MAGI3: variants seen among roughly 807,000 people sequenced by gnomAD.
MAGI3 encodes membrane associated guanylate kinase, WW and PDZ domain containing 3.
A neutral mutation model predicts 121.8 loss-of-function variants in MAGI3; 43 were observed. That is an observed-to-expected ratio of 0.35 (90% CI 0.28 to 0.46). The LOEUF is 0.46. MAGI3 is among the 20% of genes least tolerant of loss of function. The probability of loss-of-function intolerance (pLI) is 1.00; values close to 1 mark genes in which losing one functional copy is unlikely to be tolerated. For missense variants in MAGI3, 1,547 were observed against 1,797.3 expected (o/e 0.86, Z 2.52); for synonymous variants, 553 against 639.3 (o/e 0.86, Z 2.04).
In MAGI3 at chr1:113,671,772, CAAAG is replaced by C. The variant is rs1647565450; in HGVS notation, c.2855_2858del (p.Gln952ProfsTer24). The stretch of plus-strand genomic sequence containing the variant: ...ACCATCAGGAACAAACTCAGCCAGG[CAAAG>C]CCCAGCCCTGCAGCACAGGCCCATG... On this transcript the variant is annotated frameshift_variant, in exon 17 of 21. Transcript: ENST00000307546. LOFTEE classifies it high-confidence loss of function. 6.2e-7 allele frequency: 1 copy of C among 1,614,118 alleles called. No individual in the cohort carries two copies. Among genetic ancestry groups the C allele is most frequent in the Non-Finnish European group, 8.5e-7 (1 of 1,180,050 alleles).
chr1:113,410,317 A>T (rs1213576837), intron 1 of MAGI3, among the ~76,000 whole-genome samples: 2 of 152,092 alleles, frequency 1.3e-5, no homozygotes, highest in Non-Finnish European at 2.9e-5. Flanking sequence ...CCTAAATTTG[A>T]ATCCTAGGTC....
At chr1:113,571,935 A>G (rs537456852) in intron 2 of MAGI3, among the ~76,000 whole-genome samples, 2 of 152,280 alleles carry the variant, frequency 1.3e-5, no homozygotes, top group East Asian at 3.9e-4. Flanking sequence ...ACTACGTTGA[A>G]TAGGAGTGGT....
intron 6 of MAGI3, among the ~76,000 whole-genome samples, chr1:113,595,921 C>T (rs1177579987): frequency 6.6e-6 from 1 of 152,096 alleles, no homozygotes; most frequent in Non-Finnish European, 1.5e-5. Context: ...GACCCAGCTA[C>T]TCAGGAGGCT....
At chr1:113,558,282 A>C (rs1409766517) in intron 2 of MAGI3, among the ~76,000 whole-genome samples, 1 of 152,226 alleles carries the variant, frequency 6.6e-6, no homozygotes. Flanking sequence ...AAAGGAGCAC[A>C]TTGTAACCCA....
chr1:113,598,502 T>A (rs1328104287), intron 6 of MAGI3, among the ~76,000 whole-genome samples: 1 of 151,582 alleles, frequency 6.6e-6, no homozygotes, highest in Non-Finnish European at 1.5e-5. Flanking sequence ...TTCACACAAA[T>A]GGAAACTCAA....
At chr1:113,449,344 G>A (rs889788928) in intron 1 of MAGI3, among the ~76,000 whole-genome samples, 3 of 134,372 alleles carry the variant, frequency 2.2e-5, no homozygotes, top group African/African-American at 8.2e-5. Flanking sequence ...CTTTATAAGT[G>A]TTGCATTACT....
At chr1:113,591,436 A>G (rs1334608850) in intron 5 of MAGI3, among the ~76,000 whole-genome samples, 1 of 152,268 alleles carries the variant, frequency 6.6e-6, no homozygotes, top group African/African-American at 2.4e-5. Context: ...TAGGCACTAC[A>G]CTCAAAGAAC....
At chr1:113,546,744 A>G (rs1659551268) in intron 1 of MAGI3, among the ~76,000 whole-genome samples, 1 of 151,920 alleles carries the variant, frequency 6.6e-6, no homozygotes, top group African/African-American at 2.4e-5. Flanking sequence ...ACAGAGTGCA[A>G]TTCCAGCCTT....
rs1248415121 is a variant in MAGI3 at position 113,684,758 on chromosome 1, T to G, written c.*744T>G. On this transcript the variant is annotated 3_prime_UTR_variant, in exon 21 of 21. Coordinates refer to ENST00000307546, the MANE Select transcript of MAGI3 (RefSeq NM_001142782.2). ...GCAATAGAGTTCATCTCCTGCTGTG[T>G]TATCCAACCTCGATGTATACTTACA... 1 of 152,384 alleles carries G rather than the reference T, an allele frequency of 6.6e-6. No individual in the cohort carries two copies. The highest frequency in any genetic ancestry group is 1.5e-5 in the Non-Finnish European group (1 of 68,044). 9.4% of individuals were successfully genotyped at this position (152,384 alleles called of 1,614,324 possible).
At chr1:113,673,692 C>T (rs570291993) in intron 19 of MAGI3, among the ~76,000 whole-genome samples, 1 of 152,330 alleles carries the variant, frequency 6.6e-6, no homozygotes, top group African/African-American at 2.4e-5. Context: ...AGTTATGCCA[C>T]TTTTGCCTTC....
chr1:113,427,544 G>C (rs575426415), intron 1 of MAGI3, among the ~76,000 whole-genome samples: 1 of 152,206 alleles, frequency 6.6e-6, no homozygotes, highest in Non-Finnish European at 1.5e-5. Context: ...TGGGGGTTGG[G>C]TCATGCTGAG....
At chr1:113,578,552 C>T (rs1343070011) in intron 2 of MAGI3, among the ~76,000 whole-genome samples, 1 of 152,038 alleles carries the variant, frequency 6.6e-6, no homozygotes, top group Non-Finnish European at 1.5e-5. Context: ...TCACGAGTGG[C>T]TAGGACTACT....
chr1:113,683,936 G>A lies in MAGI3; in HGVS notation c.4368G>A (p.Leu1456=). ...GCAGTTCTCCAGTTAAGAAAACACT[G>A]ATAACTCCAGGGCCCTGGAAGGTTC... ...PESSSPVKKT[L]ITPGPWKVPS... is the part of the protein sequence containing the mutation. Residue 1456 remains leucine (L), a synonymous_variant, in exon 21 of 21, where the codon CTG becomes CTA. Coordinates refer to ENST00000307546, the MANE Select transcript of MAGI3 (RefSeq NM_001142782.2). 6.2e-7 allele frequency: 1 copy of A among 1,609,838 alleles called. No individual in the cohort carries two copies. Among genetic ancestry groups the A allele is most frequent in the Non-Finnish European group, 8.5e-7 (1 of 1,178,016 alleles).
chr1:113,510,455 A>G (rs1447923386), intron 1 of MAGI3, among the ~76,000 whole-genome samples: 2 of 151,992 alleles, frequency 1.3e-5, no homozygotes, highest in African/African-American at 4.8e-5. Context: ...CAAAGCACCA[A>G]ATATCTGTTT....
intron 1 of MAGI3, among the ~76,000 whole-genome samples, chr1:113,416,044 G>A (rs374785813): frequency 0.084 from 11,337 of 134,542 alleles, 1,551 homozygotes; most frequent in East Asian, 0.58. Flanking sequence ...TATTAATTAT[G>A]TAATTAATGA....
At chr1:113,547,342 G>C (rs1659583251) in intron 1 of MAGI3, among the ~76,000 whole-genome samples, 2 of 151,998 alleles carry the variant, frequency 1.3e-5, no homozygotes, top group Admixed American at 6.6e-5. Context: ...TATTGAGTCA[G>C]ATTGTCTTTT....
intron 1 of MAGI3, among the ~76,000 whole-genome samples, chr1:113,514,196 C>A (rs1424308323): frequency 6.6e-6 from 1 of 152,284 alleles, no homozygotes; most frequent in East Asian, 1.9e-4. Flanking sequence ...ACTAGTTGAA[C>A]CCTTGTGGAA....
chr1:113,457,765 A>C (rs1654829845), intron 1 of MAGI3, among the ~76,000 whole-genome samples: 1 of 152,262 alleles, frequency 6.6e-6, no homozygotes, highest in African/African-American at 2.4e-5. Flanking sequence ...ATAGGTATTG[A>C]CCAATTATGA....
At chr1:113,396,074 A>G (rs557233440) in intron 1 of MAGI3, among the ~76,000 whole-genome samples, 3 of 152,232 alleles carry the variant, frequency 2.0e-5, no homozygotes, top group African/African-American at 7.2e-5. Flanking sequence ...GCGACAAAAC[A>G]AATCTTCTAA....
Sources: gnomAD v4.1 joint callset for allele counts (sites outside exome capture counted in the v4.1 genomes callset) on GRCh38, gnomAD v4.1.1 for gene constraint, MANE v1.5 for transcripts, NCBI Gene and HGNC (gene_info 2026-07-23, HGNC 2026-07-21) for gene names.